SCML4: variants seen among roughly 807,000 people sequenced by gnomAD.
SCML4 encodes sex comb on midleg-like protein 4.
Under a neutral mutation model 41.1 loss-of-function variants are expected in SCML4, and 34 were observed. The ratio of observed to expected loss-of-function variants is 0.83; its 90% confidence interval spans 0.63 to 1.10. The LOEUF is 1.10. Among genes scored for constraint, SCML4 ranks in the 50% least tolerant of loss-of-function variants. SCML4 has a pLI of 0.00. For synonymous variants in SCML4, 214 were observed against 220.9 expected (o/e 0.97, Z 0.28); for missense variants, 522 against 534.1 (o/e 0.98, Z 0.22).
Position 107,720,599 on chromosome 6 carries a change from C to G in SCML4, c.973+104G>C, listed in dbSNP as rs1190858211. 3 of 1,441,526 alleles carry G rather than the reference C, an allele frequency of 2.1e-6. No individual in the cohort carries two copies. In the African/African-American group the frequency reaches 4.3e-5, roughly 21 times the overall value. 89.3% of individuals were successfully genotyped at this position (1,441,526 alleles called of 1,614,324 possible). A position where few individuals can be genotyped will look rare whatever the true frequency, so the allele number is the denominator to read the frequency against. ...TGGAAATTTCTGATCTCCCAGCAGT[C>G]CCACGTTTAAACAGCCACACTCCCC... On this transcript the variant is annotated intron_variant, in intron 6 of 7. Transcript: ENST00000369020.
At chr6:107,717,875 A>G (rs1774992290) in intron 6 of SCML4, among the ~76,000 whole-genome samples, 1 of 152,204 alleles carries the variant, frequency 6.6e-6, no homozygotes, top group Non-Finnish European at 1.5e-5. Context: ...GTTATTAAAA[A>G]GACAGCCAGG....
upstream of SCML4, among the ~76,000 whole-genome samples, chr6:107,827,049 C>T (rs977046969): frequency 1.7e-4 from 26 of 150,762 alleles, no homozygotes; most frequent in African/African-American, 5.3e-4. Flanking sequence ...GGCGACAGAG[C>T]GAGACTCCGT....
chr6:107,763,291 G>A (rs955323020), intron 2 of SCML4, among the ~76,000 whole-genome samples: 1 of 151,930 alleles, frequency 6.6e-6, no homozygotes, highest in Non-Finnish European at 1.5e-5. Flanking sequence ...AACACCCAAT[G>A]TGAAGGTAGT....
At chr6:107,798,195 G>C (rs183475758) in intron 1 of SCML4, among the ~76,000 whole-genome samples, 1 of 151,964 alleles carries the variant, frequency 6.6e-6, no homozygotes, top group East Asian at 1.9e-4. Context: ...GCATATATAA[G>C]ATATATTATT....
intron 5 of SCML4, among the ~76,000 whole-genome samples, chr6:107,736,935 A>G (rs1777129740): frequency 6.6e-6 from 1 of 152,224 alleles, no homozygotes; most frequent in South Asian, 2.1e-4. Context: ...TACTCAGCAA[A>G]AGTAAACAAT....
chr6:107,722,381 A>T (rs1775519851), intron 5 of SCML4, among the ~76,000 whole-genome samples: 1 of 151,612 alleles, frequency 6.6e-6, no homozygotes, highest in Admixed American at 6.6e-5. Flanking sequence ...GGGGTGGGGG[A>T]AGTCCAGAGA....
chr6:107,839,368 GGAAA>G, the SCML4 span, among the ~76,000 whole-genome samples: 178 of 52,538 alleles, frequency 3.4e-3, 1 homozygote, highest in African/African-American at 0.012. Context: ...AAAGAAAGAA[GGAAA>G]GAAAGAAAGA....
intron 5 of SCML4, among the ~76,000 whole-genome samples, chr6:107,743,311 T>G (rs897192028): frequency 6.6e-6 from 1 of 152,160 alleles, no homozygotes; most frequent in African/African-American, 2.4e-5. Flanking sequence ...TGTTCTGAAT[T>G]TCATCCGTAG....
At chr6:107,807,031 G>A (rs1783786060) in intron 1 of SCML4, among the ~76,000 whole-genome samples, 1 of 150,304 alleles carries the variant, frequency 6.7e-6, no homozygotes, top group African/African-American at 2.4e-5. Flanking sequence ...TTAAGGGACT[G>A]GAAAAATAAT....
At chr6:107,745,256 C>T in intron 4 of SCML4, 113 bp from the exon 5 acceptor site, 1 of 758,246 alleles carries the variant, frequency 1.3e-6, no homozygotes, top group Non-Finnish European at 2.1e-6. Context: ...GCTAAGCAGA[C>T]TATATTTGGA....
intron 1 of SCML4, among the ~76,000 whole-genome samples, chr6:107,801,020 T>C (rs1267756765): frequency 6.6e-6 from 1 of 152,224 alleles, no homozygotes; most frequent in Non-Finnish European, 1.5e-5. Context: ...CTTCATCATT[T>C]ACTTTTCTTT....
intron 2 of SCML4, among the ~76,000 whole-genome samples, chr6:107,750,823 G>T (rs1778551299): frequency 6.6e-6 from 1 of 152,168 alleles, no homozygotes; most frequent in South Asian, 2.1e-4. Context: ...GAGCTCCCAG[G>T]TACCACTGAT....
chr6:107,779,677 T>C (rs1328760201), intron 1 of SCML4, among the ~76,000 whole-genome samples: 1 of 152,198 alleles, frequency 6.6e-6, no homozygotes, highest in Non-Finnish European at 1.5e-5. Flanking sequence ...TGGGACGCCA[T>C]GTTGCCCTCA....
intron 5 of SCML4, among the ~76,000 whole-genome samples, chr6:107,742,820 A>G (rs201554241): frequency 5.9e-5 from 1 of 16,896 alleles, no homozygotes; most frequent in Non-Finnish European, 3.8e-4. Context: ...AATGTGAAAG[A>G]AAAAAAAAAC....
chr6:107,840,124 C>A, the SCML4 span, among the ~76,000 whole-genome samples: 926 of 152,048 alleles, frequency 6.1e-3, 15 homozygotes, highest in African/African-American at 0.022. Context: ...AAACAGAAAT[C>A]CAAGGAAAAG....
Position 107,704,471 on chromosome 6 carries a change from G to A in SCML4, c.*729C>T, listed in dbSNP as rs371206197. 2.6e-5 allele frequency: 4 copies of A among 152,220 alleles called. No homozygotes were observed. In the South Asian group the frequency reaches 6.2e-4, roughly 24 times the overall value. The allele number at this position is 152,220 out of a possible 1,614,324, so 9.4% of individuals were successfully genotyped here. A position where few individuals can be genotyped will look rare whatever the true frequency, so the allele number is the denominator to read the frequency against. On this transcript the variant is annotated 3_prime_UTR_variant, in exon 8 of 8. Transcript: ENST00000369020. ...CAAGTCGCAATCTGTGGTGCTAACT[G>A]TGGAATAAATCCCCTGTTTCTGTGT...
the SCML4 span, among the ~76,000 whole-genome samples, chr6:107,845,939 C>T: frequency 6.6e-6 from 1 of 152,204 alleles, no homozygotes; most frequent in Non-Finnish European, 1.5e-5. Context: ...AGTGAAGGTC[C>T]TGTCCCCACC....
chr6:107,817,199 C>T (rs930538662), intron 1 of SCML4, among the ~76,000 whole-genome samples: 3 of 152,162 alleles, frequency 2.0e-5, no homozygotes, highest in Non-Finnish European at 4.4e-5. Context: ...AATTATACTT[C>T]CAGTTAATCT....
chr6:107,761,464 T>C (rs575932220), intron 2 of SCML4, among the ~76,000 whole-genome samples: 2 of 149,806 alleles, frequency 1.3e-5, no homozygotes, highest in South Asian at 4.2e-4. Flanking sequence ...TTAGACAGAG[T>C]CTTGCTCTGT....
Sources: gnomAD v4.1 joint callset for allele counts (sites outside exome capture counted in the v4.1 genomes callset) on GRCh38, gnomAD v4.1.1 for gene constraint, MANE v1.5 for transcripts, NCBI Gene and HGNC (gene_info 2026-07-23, HGNC 2026-07-21) for gene names.